PZP: variants seen among roughly 807,000 people sequenced by gnomAD.
PZP encodes PZP alpha-2-macroglobulin like, also known as pregnancy zone protein.
A neutral mutation model predicts 179.8 loss-of-function variants in PZP; 150 were observed. The ratio of observed to expected loss-of-function variants is 0.83; its 90% CI spans 0.73 to 0.96. PZP has a LOEUF of 0.96. Ranked by LOEUF, PZP falls within the 40% of genes least tolerant of loss-of-function variation. PZP has a pLI of 0.00. For synonymous variants in PZP, 624 were observed against 652.3 expected (o/e 0.96, Z 0.66); for missense variants, 1,689 against 1,764.0 (o/e 0.96, Z 0.76).
intron 5 of PZP, 129 bp from the exon 6 acceptor site, chr12:9,201,189 A>T (rs1045450517): frequency 3.6e-6 from 5 of 1,371,554 alleles, no homozygotes; most frequent in Non-Finnish European, 4.0e-6. Flanking sequence ...GAGAAAATAC[A>T]ATCAACCTGA....
At chr12:9,161,155 A>ATGATT (rs1941175650) in intron 22 of PZP, 39 bp from the exon 23 acceptor site, 1 of 1,446,220 alleles carries the variant, frequency 6.9e-7, no homozygotes, top group African/African-American at 1.4e-5. Context: ...GAGGACATCT[A>ATGATT]TGATTACAAT....
In PZP at chr12:9,166,662, T is replaced by C. The variant is rs548502677; in HGVS notation, c.2108-460A>G. On this transcript the variant is annotated intron_variant, in intron 17 of 35. Transcript: ENST00000261336. ...AAATTACTTTTACATAAATTAAATTTACTTTAAATCACTGTATGGAACTTT... is the reference window on the plus strand; with the variant it reads ...AAATTACTTTTACATAAATTAAATTCACTTTAAATCACTGTATGGAACTTT... Among the ~76,000 whole-genome samples, 211 of 152,360 alleles carry C rather than the reference T, an allele frequency of 1.4e-3. 1 individual carries two copies. The highest frequency in any genetic ancestry group is 2.3e-3 in the Non-Finnish European group (159 of 68,034).
intron 1 of PZP, among the ~76,000 whole-genome samples, chr12:9,207,323 G>C (rs1208526241): frequency 6.6e-6 from 1 of 152,202 alleles, no homozygotes; most frequent in Non-Finnish European, 1.5e-5. Context: ...GGACACCTCA[G>C]TGCCTATGTG....
intron 34 of PZP, among the ~76,000 whole-genome samples, chr12:9,150,366 T>A (rs1289237494): frequency 6.6e-6 from 1 of 152,162 alleles, no homozygotes; most frequent in Non-Finnish European, 1.5e-5. Context: ...CACTGCAACC[T>A]CTGCCTCCCA....
In PZP at chr12:9,187,368, A is replaced by G. The variant is rs1038744328; in HGVS notation, c.1546+4825T>C. Among the ~76,000 whole-genome samples the G allele has an allele frequency of 2.9e-4, 44 of 152,274 alleles. 1 individual carries two copies. Among genetic ancestry groups the G allele is most frequent in the African/African-American group, 1.0e-3 (42 of 41,556 alleles). On this transcript the variant is annotated intron_variant, in intron 13 of 35. Transcript: ENST00000261336. ...TCTACAAAACTATCCACTACAAAAC[A>G]ACAACACATACATTCTTCTCAACTG...
chr12:9,152,828 T>C lies in PZP; in HGVS notation c.4117A>G (p.Ile1373Val). 1 of 1,614,058 alleles carries C rather than the reference T, an allele frequency of 6.2e-7. No homozygotes were observed. Among genetic ancestry groups the C allele is most frequent in the Non-Finnish European group, 8.5e-7 (1 of 1,179,938 alleles). Residue 1373 changes from isoleucine (I) to valine (V), a missense_variant, in exon 31 of 36, where the codon ATC (isoleucine) becomes GTC (valine). Coordinates refer to ENST00000261336, the MANE Select transcript of PZP (RefSeq NM_002864.3). Reference protein sequence around the residue: ...AHTSFQISLTISYTGNRPASN... With the variant: ...AHTSFQISLTVSYTGNRPASN... ...GATTAGGTTAGAACGTCTTACCTGA[T>C]GGTCAGTGAGATCTGAAAGCTGGTG...
intron 4 of PZP, 31 bp from the exon 5 acceptor site, chr12:9,201,378 T>C: frequency 1.3e-6 from 2 of 1,537,438 alleles, no homozygotes; most frequent in Non-Finnish European, 1.8e-6. Context: ...AGAGATGTGA[T>C]TAGAATTCCA....
At chr12:9,139,835 AGG>A in the PZP span, among the ~76,000 whole-genome samples, 1 of 135,728 alleles carries the variant, frequency 7.4e-6, no homozygotes, top group South Asian at 2.4e-4. Flanking sequence ...TAAACCTGAG[AGG>A]GGATTCTGAC....
rs200818607 is a variant in PZP, at chr12:9,154,818, C to A, written c.3572G>T (p.Arg1191Leu). 6.2e-7 allele frequency: 1 copy of A among 1,613,890 alleles called. No individual in the cohort carries two copies. The highest frequency in any genetic ancestry group is 1.7e-4 in the Middle Eastern group (1 of 6,040). ...CACTGGTGCCTTGGGTCTCTGAGGG[C>A]GCTCCCAATGGACGAGGTTGTCTTA... Reference protein sequence around the residue: ...VKEDNLVHWERPQRPKAPVGH... With the variant: ...VKEDNLVHWELPQRPKAPVGH... The change falls in exon 29 of 36, where the codon CGC becomes CTC. Residue 1191 changes from arginine to leucine, a missense_variant. Around this residue, in one of 3 missense-constraint regions of PZP, gnomAD observed 746 missense variants for 749.2 expected, o/e 1.00. Coordinates refer to ENST00000261336, the MANE Select transcript of PZP (RefSeq NM_002864.3).
intron 15 of PZP, among the ~76,000 whole-genome samples, chr12:9,174,365 A>C (rs762107090): frequency 5.1e-4 from 78 of 152,304 alleles, no homozygotes; most frequent in Admixed American, 1.2e-3. Context: ...AGCCAATATC[A>C]TACTGAATGG....
In PZP at chr12:9,148,958, A is replaced by G; in HGVS notation, c.*14T>C. ...GGACAGAGAATCCACCAAAATATAC[A>G]GCCTGTATGGTCCTCAAACATTTCC... On this transcript the variant is annotated 3_prime_UTR_variant, in exon 36 of 36. Transcript: ENST00000261336. The G allele has an allele frequency of 6.2e-7, 1 of 1,604,674 alleles. No individual in the cohort carries two copies. Among genetic ancestry groups the G allele is most frequent in the Non-Finnish European group, 8.5e-7 (1 of 1,171,492 alleles).
At chr12:9,167,648 T>A (rs1258474806) in intron 17 of PZP, 2 of 152,234 alleles carry the variant, frequency 1.3e-5, no homozygotes, top group Non-Finnish European at 2.9e-5. Flanking sequence ...TTCAGTTTTC[T>A]TAGCTCTTTT....
chr12:9,185,300 A>G (rs111719071), intron 13 of PZP, among the ~76,000 whole-genome samples: 9 of 152,372 alleles, frequency 5.9e-5, no homozygotes, highest in African/African-American at 1.9e-4. Context: ...AAGTATTAAC[A>G]GCAGAACAGA....
At chr12:9,165,940 G>A in intron 18 of PZP, 112 bp downstream of exon 18, 8 of 1,292,296 alleles carry the variant, frequency 6.2e-6, no homozygotes, top group South Asian at 1.4e-5. Flanking sequence ...TAAAGAGGAA[G>A]AGGTTAAGAT....
intron 15 of PZP, 73 bp downstream of exon 15, chr12:9,180,910 G>A: frequency 6.6e-7 from 1 of 1,512,486 alleles, no homozygotes; most frequent in Non-Finnish European, 8.8e-7. Flanking sequence ...ATCTGACAAA[G>A]GGCTAATAGA....
rs757194010 is a variant in PZP at position 9,154,648 on chromosome 12, G to A, written c.3742C>T (p.Gln1248Ter). The change falls in exon 29 of 36, where the codon CAG becomes TAG. Residue 1248 changes from glutamine (Q) to a stop codon, truncating the protein, a stop_gained. Coordinates refer to ENST00000261336, the MANE Select transcript of PZP (RefSeq NM_002864.3). LOFTEE classifies it high-confidence loss of function. ...GAGGAGAAACCACCTTGGGCGTTCT[G>A]CTGCTTCATGATCCACTTCACAATG... ...TNIVKWIMKQ[Q>*]NAQGGFSSTQ... The A allele has an allele frequency of 1.9e-6, 3 of 1,614,198 alleles. No individual in the cohort carries two copies. The highest frequency in any genetic ancestry group is 2.5e-6 in the Non-Finnish European group (3 of 1,180,034).
At chr12:9,187,356 C>T (rs1943191686) in intron 13 of PZP, among the ~76,000 whole-genome samples, 1 of 152,138 alleles carries the variant, frequency 6.6e-6, no homozygotes, top group Admixed American at 6.5e-5. Flanking sequence ...ACAAAACTAT[C>T]CACTACAAAA....
chr12:9,202,169 TG>T lies in PZP; in HGVS notation c.480+149del, dbSNP rs1340093389. 4.4e-6 allele frequency: 3 copies of T among 677,810 alleles called. No homozygotes were observed. In the African/African-American group the frequency reaches 5.4e-5, roughly 12 times the overall value. The allele number at this position is 677,810 out of a possible 1,614,324, so 42.0% of individuals were successfully genotyped here. A position where few individuals can be genotyped will look rare whatever the true frequency, so the allele number is the denominator to read the frequency against. ...ATCTCTTGTCCCTCAATTTTTGTTTTGTATAAGACTGCAAATCTGTGCTGAG... is the reference window on the plus strand; with the variant it reads ...ATCTCTTGTCCCTCAATTTTTGTTTTTATAAGACTGCAAATCTGTGCTGAG... On this transcript the variant is annotated intron_variant, in intron 4 of 35. Coordinates refer to ENST00000261336, the MANE Select transcript of PZP (RefSeq NM_002864.3).
At chr12:9,160,149 G>T in intron 24 of PZP, 124 bp from the exon 25 acceptor site, 1 of 1,163,690 alleles carries the variant, frequency 8.6e-7, no homozygotes, top group Non-Finnish European at 1.2e-6. Context: ...CCATAGTTTT[G>T]TGAATGTTAT....
Sources: allele counts gnomAD v4.1 joint callset (sites outside exome capture counted in the v4.1 genomes callset), GRCh38; gene constraint gnomAD v4.1.1; regional missense constraint gnomAD v4.1.1; transcripts MANE v1.5; gene names NCBI Gene and HGNC (gene_info 2026-07-23, HGNC 2026-07-21).